The following MAP1LC3A variants were observed in gnomAD, a reference collection of about 807,000 sequenced individuals.
MAP1LC3A encodes the protein microtubule associated protein 1 light chain 3 alpha.
MAP1LC3A carries 10 observed loss-of-function variants against 15.2 expected under a neutral mutation model. The observed-to-expected ratio is 0.66, with a 90% CI of 0.41 to 1.12. MAP1LC3A has a LOEUF of 1.12. MAP1LC3A is among the 50% of genes most tolerant of loss of function. MAP1LC3A has a pLI of 0.00. For missense variants in MAP1LC3A, 138 were observed against 167.3 expected, an observed-to-expected ratio of 0.82 and a Z score of 0.97; for synonymous variants, 63 against 64.3, an observed-to-expected ratio of 0.98 and a Z score of 0.10.
intron 1 of MAP1LC3A, among the ~76,000 whole-genome samples, chr20:34,547,417 CTTTTTT>C (rs935450076): frequency 5.0e-5 from 6 of 121,066 alleles, no homozygotes; most frequent in South Asian, 2.7e-4. Flanking sequence ...CGCTCCCCAC[CTTTTTT>C]TTTTTTTTTT....
At chr20:34,549,672 C>T (rs772897460) in intron 1 of MAP1LC3A, among the ~76,000 whole-genome samples, 7 of 152,098 alleles carry the variant, frequency 4.6e-5, no homozygotes, top group Non-Finnish European at 8.8e-5. Flanking sequence ...ATTCAGGGGG[C>T]GGGTTATTCA....
At chr20:34,552,396 A>C (rs1354246230) in intron 2 of MAP1LC3A, among the ~76,000 whole-genome samples, 1 of 152,248 alleles carries the variant, frequency 6.6e-6, no homozygotes, top group Non-Finnish European at 1.5e-5. Context: ...ATGCCCAGAA[A>C]AATTATACAG....
At chr20:34,559,106 G>GGGGGCT (rs1568613583) in intron 1 of MAP1LC3A, 102 bp from the exon 2 acceptor site, 2 of 1,353,946 alleles carry the variant, frequency 1.5e-6, no homozygotes, top group Non-Finnish European at 1.9e-6. Flanking sequence ...CCCCGGGGGT[G>GGGGGCT]GGGGCTGGAG....
At position 34,558,795 on chromosome 20, in the gene MAP1LC3A, C is replaced by A; in HGVS notation, c.-74C>A. On this transcript the variant is annotated 5_prime_UTR_variant, in exon 1 of 4. Transcript: ENST00000360668. This position sits in a 1 kb window ranked among gnomAD's most constrained non-coding sequence, Gnocchi z 4.3. ...GCCCTTGAGCGCGAGGCGCGGAGCCCCCGGAGCCCCCAAACCGCAGACACA... is the reference window on the plus strand; with the variant it reads ...GCCCTTGAGCGCGAGGCGCGGAGCCACCGGAGCCCCCAAACCGCAGACACA... 1 of 1,366,482 alleles carries A rather than the reference C, an allele frequency of 7.3e-7. No homozygotes were observed. Among genetic ancestry groups the A allele is most frequent in the South Asian group, 1.8e-5 (1 of 56,980 alleles). The allele number at this position is 1,366,482 out of a possible 1,614,324, so 84.6% of individuals were successfully genotyped here.
At chr20:34,558,418 G>C, upstream of MAP1LC3A, 1 of 992,316 alleles carries the variant, frequency 1.0e-6, no homozygotes, top group Non-Finnish European at 1.2e-6. The surrounding 1 kb of genome is among the most constrained non-coding windows in gnomAD (Gnocchi z 4.3). Flanking sequence ...ACACAGACTC[G>C]GTGAGGGCGG....
intron 2 of MAP1LC3A, 25 bp from the exon 3 acceptor site, chr20:34,559,322 C>G: frequency 6.3e-7 from 1 of 1,581,014 alleles, no homozygotes; most frequent in African/African-American, 1.3e-5. Context: ...CGACACGACC[C>G]CCTGCCCGCC....
In MAP1LC3A at chr20:34,559,363, A is replaced by G. The variant is rs1415598951; in HGVS notation, c.113A>G (p.Tyr38Cys). Residue 38 changes from tyrosine (Y) to cysteine (C), a missense_variant, in exon 3 of 4, where the codon TAC becomes TGC. By Grantham distance (194) the Tyr-to-Cys change is radical. Transcript: ENST00000360668. The stretch of plus-strand genomic sequence containing the variant: ...TGCTCCCAGGTGATCATCGAGCGCT[A>G]CAAGGGTGAGAAGCAGCTGCCCGTC... ...PSKIPVIIERYKGEKQLPVLD... is the reference protein window; with the variant it reads ...PSKIPVIIERCKGEKQLPVLD... The G allele has an allele frequency of 1.9e-6, 3 of 1,609,322 alleles. No homozygotes were observed. The highest frequency in any genetic ancestry group is 1.7e-6 in the Non-Finnish European group (2 of 1,178,180).
chr20:34,558,568 G>A (rs1421981630), upstream of MAP1LC3A: 28 of 1,177,418 alleles, frequency 2.4e-5, no homozygotes, highest in Admixed American at 9.3e-5. This position sits in a 1 kb window ranked among gnomAD's most constrained non-coding sequence, Gnocchi z 4.3. Flanking sequence ...ACTGTGACGC[G>A]CCCAGAAGCC....
chr20:34,558,519 C>G (rs1982244418), upstream of MAP1LC3A: 1 of 1,077,916 alleles, frequency 9.3e-7, no homozygotes, highest in South Asian at 4.3e-5. The surrounding 1 kb of genome is among the most constrained non-coding windows in gnomAD (Gnocchi z 4.3). Flanking sequence ...TGAGTTCGGG[C>G]TGCGGGAGAA....
chr20:34,560,009 C>A lies in MAP1LC3A; in HGVS notation c.*111C>A. 1 of 1,178,022 alleles carries A rather than the reference C, an allele frequency of 8.5e-7. No homozygotes were observed. Among genetic ancestry groups the A allele is most frequent in the Non-Finnish European group, 1.2e-6 (1 of 848,596 alleles). 73.0% of individuals were successfully genotyped at this position (1,178,022 alleles called of 1,614,324 possible). A position where few individuals can be genotyped will look rare whatever the true frequency, so the allele number is the denominator to read the frequency against. On this transcript the variant is annotated 3_prime_UTR_variant, in exon 4 of 4. Coordinates refer to ENST00000360668, the MANE Select transcript of MAP1LC3A (RefSeq NM_032514.4). ...CCTCTACCGTGGTGGGCTGGGCAGG[C>A]ATGTGCCCCCCTAGTCAGAGGGCAC... is the stretch of plus-strand genomic sequence containing the variant.
chr20:34,558,064 G>A (rs2144956), upstream of MAP1LC3A: 802,998 of 984,626 alleles, frequency 0.82, 328,401 homozygotes, highest in Admixed American at 0.91. The surrounding 1 kb of genome is among the most constrained non-coding windows in gnomAD (Gnocchi z 4.3). Context: ...GCTCTGCTCG[G>A]GCCCGCGAGT....
At position 34,558,980 on chromosome 20, in the gene MAP1LC3A, T is replaced by C; in HGVS notation, c.40+72T>C. The C allele has an allele frequency of 7.5e-7, 1 of 1,341,724 alleles. No individual in the cohort carries two copies. The highest frequency in any genetic ancestry group is 1.8e-5 in the South Asian group (1 of 54,594). The allele number at this position is 1,341,724 out of a possible 1,614,324, so 83.1% of individuals were successfully genotyped here. Reference sequence around the variant, plus strand: ...CCGACCCCGACTGCCGCAGGTGACGTCAGCCCCGTGACGTCAGGCTCTGGC... The same window carrying C: ...CCGACCCCGACTGCCGCAGGTGACGCCAGCCCCGTGACGTCAGGCTCTGGC... On this transcript the variant is annotated intron_variant, in intron 1 of 3. Coordinates refer to ENST00000360668, the MANE Select transcript of MAP1LC3A (RefSeq NM_032514.4). This position sits in a 1 kb window ranked among gnomAD's most constrained non-coding sequence, Gnocchi z 4.3.
chr20:34,554,436 C>T (rs1231753195), upstream of MAP1LC3A, among the ~76,000 whole-genome samples: 2 of 139,654 alleles, frequency 1.4e-5, no homozygotes, highest in Non-Finnish European at 3.0e-5. Context: ...TGCGGTGGCG[C>T]GATCTCGGTT....
chr20:34,559,575 T>C (rs1011332754), intron 3 of MAP1LC3A, 122 bp downstream of exon 3: 3 of 1,234,834 alleles, frequency 2.4e-6, no homozygotes, highest in African/African-American at 1.5e-5. Context: ...TGTTCTGGGG[T>C]GGCTGGAAAG....
Position 34,558,893 on chromosome 20 carries a change from C to T in MAP1LC3A, c.25C>T (p.Gln9Ter), listed in dbSNP as rs1267131488. The change falls in exon 1 of 4, where the codon CAG becomes TAG. Residue 9 changes from glutamine (Q) to a stop codon, truncating the protein, a stop_gained. Coordinates refer to ENST00000360668, the MANE Select transcript of MAP1LC3A (RefSeq NM_032514.4). LOFTEE classifies it high-confidence loss of function. This position sits in a 1 kb window ranked among gnomAD's most constrained non-coding sequence, Gnocchi z 4.3. Reference protein sequence around the residue: MPSDRPFKQRRSFADRCKE... With the variant: MPSDRPFK ...GATGCCCTCAGACCGGCCTTTCAAG[C>T]AGCGGCGGAGCTTCGGTGAGGCCCG... The T allele has an allele frequency of 7.0e-7, 1 of 1,424,072 alleles. No homozygotes were observed. Among genetic ancestry groups the T allele is most frequent in the Non-Finnish European group, 9.1e-7 (1 of 1,093,878 alleles). The allele number at this position is 1,424,072 out of a possible 1,614,324, so 88.2% of individuals were successfully genotyped here.
In MAP1LC3A at chr20:34,560,016, C is replaced by T. The variant is rs928382829; in HGVS notation, c.*118C>T. On this transcript the variant is annotated 3_prime_UTR_variant, in exon 4 of 4. Coordinates refer to ENST00000360668, the MANE Select transcript of MAP1LC3A (RefSeq NM_032514.4). ...CGTGGTGGGCTGGGCAGGCATGTGC[C>T]CCCCTAGTCAGAGGGCACCAACCCA... 9 of 1,138,390 alleles carry T rather than the reference C, an allele frequency of 7.9e-6. No individual in the cohort carries two copies. The highest frequency in any genetic ancestry group is 9.8e-6 in the Non-Finnish European group (8 of 814,834). 70.5% of individuals were successfully genotyped at this position (1,138,390 alleles called of 1,614,324 possible).
chr20:34,548,397 C>A (rs1164496979), intron 1 of MAP1LC3A, among the ~76,000 whole-genome samples: 2 of 152,216 alleles, frequency 1.3e-5, no homozygotes, highest in East Asian at 3.9e-4. Context: ...GCTCCAAGGG[C>A]TTGAGGTCAC....
chr20:34,552,694 C>A (rs1981992106), intron 2 of MAP1LC3A, among the ~76,000 whole-genome samples: 1 of 152,240 alleles, frequency 6.6e-6, no homozygotes, highest in African/African-American at 2.4e-5. Flanking sequence ...AAGGCCAGGG[C>A]AGGAAAACCA....
chr20:34,549,683 G>T (rs1424210713), intron 1 of MAP1LC3A, among the ~76,000 whole-genome samples: 1 of 152,206 alleles, frequency 6.6e-6, no homozygotes, highest in African/African-American at 2.4e-5. Flanking sequence ...GGGTTATTCA[G>T]AAATAGCTAG....
Sources: allele counts gnomAD v4.1 joint callset (sites outside exome capture counted in the v4.1 genomes callset), GRCh38; gene constraint gnomAD v4.1.1; non-coding constraint Gnocchi (gnomAD v3.1); transcripts MANE v1.5; gene names NCBI Gene and HGNC (gene_info 2026-07-23, HGNC 2026-07-21).